The following WDR70 variants were observed in gnomAD, a reference collection of about 807,000 sequenced individuals.
WDR70 encodes the protein WD repeat domain 70.
Under a neutral mutation model 88.6 loss-of-function variants are expected in WDR70, and 53 were observed. That is an observed-to-expected ratio of 0.60 (90% CI 0.48 to 0.75). The LOEUF is 0.75. Ranked by LOEUF, WDR70 falls within the 30% of genes least tolerant of loss-of-function variation. The probability of loss-of-function intolerance (pLI) is 0.00; values close to 1 mark genes in which losing one functional copy is unlikely to be tolerated. For missense variants in WDR70, 610 were observed against 823.2 expected (o/e 0.74, Z 3.17); for synonymous variants, 280 against 270.0 (o/e 1.04, Z -0.36).
chr5:37,484,130 G>A (rs1396945566), intron 8 of WDR70, among the ~76,000 whole-genome samples: 6 of 152,172 alleles, frequency 3.9e-5, no homozygotes, highest in African/African-American at 1.2e-4. Context: ...AGGCAGAGAC[G>A]CTCCTTACTT....
At chr5:37,403,027 A>G (rs1005290075) in intron 5 of WDR70, among the ~76,000 whole-genome samples, 2 of 139,196 alleles carry the variant, frequency 1.4e-5, no homozygotes, top group African/African-American at 5.5e-5. Flanking sequence ...ACTCACTCCA[A>G]CATCTGCCTC....
At chr5:37,705,798 A>G (rs1747306190) in intron 13 of WDR70, among the ~76,000 whole-genome samples, 1 of 152,318 alleles carries the variant, frequency 6.6e-6, no homozygotes, top group African/African-American at 2.4e-5. Context: ...AAAAGGCAGC[A>G]TCTCAGATTC....
At position 37,512,832 on chromosome 5, in the gene WDR70, G is replaced by T. The variant is rs374709289; in HGVS notation, c.841-3682G>T. Among the ~76,000 whole-genome samples, 4 of 152,006 alleles carry T rather than the reference G, an allele frequency of 2.6e-5. No individual in the cohort carries two copies. In the South Asian group the frequency reaches 8.3e-4, roughly 32 times the overall value. On this transcript the variant is annotated intron_variant, in intron 8 of 17. Transcript: ENST00000265107. ...ACTCCTGAGCTCAAGCAATCCGCCT[G>T]TCTTGGCCTCCCAAAGAGCTGGGAT... is the stretch of plus-strand genomic sequence containing the variant.
intron 6 of WDR70, among the ~76,000 whole-genome samples, chr5:37,439,480 C>A (rs1191810254): frequency 1.3e-5 from 2 of 152,056 alleles, no homozygotes; most frequent in Admixed American, 1.3e-4. Context: ...AGAGATGGGT[C>A]ATGAGTTTCA....
chr5:37,447,011 G>A (rs1000488075), intron 7 of WDR70, among the ~76,000 whole-genome samples: 3 of 152,252 alleles, frequency 2.0e-5, no homozygotes, highest in African/African-American at 4.8e-5. Context: ...GCAACCTACA[G>A]AATGGGAGGA....
At chr5:37,593,377 C>T (rs1218154475) in intron 9 of WDR70, among the ~76,000 whole-genome samples, 1 of 152,044 alleles carries the variant, frequency 6.6e-6, no homozygotes, top group African/African-American at 2.4e-5. Context: ...TCAATTCCCA[C>T]CTATGAGTGA....
At chr5:37,521,978 A>G (rs1294468290) in intron 9 of WDR70, among the ~76,000 whole-genome samples, 16 of 152,164 alleles carry the variant, frequency 1.1e-4, no homozygotes, top group Admixed American at 9.8e-4. Flanking sequence ...ACATTCCCGC[A>G]AACAGTGTGA....
At chr5:37,513,369 A>C (rs1248224084) in intron 8 of WDR70, among the ~76,000 whole-genome samples, 1 of 152,180 alleles carries the variant, frequency 6.6e-6, no homozygotes, top group Non-Finnish European at 1.5e-5. Context: ...AGCGTAGGGA[A>C]AGCATATAAG....
At chr5:37,513,039 A>G (rs1015746491) in intron 8 of WDR70, among the ~76,000 whole-genome samples, 1 of 152,114 alleles carries the variant, frequency 6.6e-6, no homozygotes, top group African/African-American at 2.4e-5. Context: ...TTATTCTTTC[A>G]GTATATGTGT....
In WDR70 at chr5:37,722,921, C is replaced by A. The variant is rs1419658634; in HGVS notation, c.1584C>A (p.Asp528Glu). Residue 528 changes from aspartate to glutamate, a missense_variant, in exon 15 of 18, where the codon GAC becomes GAA. Around this residue, in one of 4 missense-constraint regions of WDR70, gnomAD observed 254 missense variants for 300.7 expected, o/e 0.84. Coordinates refer to ENST00000265107, the MANE Select transcript of WDR70 (RefSeq NM_018034.4). ...KAKQAETLTQ[D>E]YIITPHALPM... ...AACAAGCTGAGACTCTAACTCAGGA[C>A]TACATCATCACCCGTAAGTCGTTAA... The A allele has an allele frequency of 6.2e-7, 1 of 1,613,464 alleles. No homozygotes were observed. The highest frequency in any genetic ancestry group is 8.5e-7 in the Non-Finnish European group (1 of 1,179,634).
intron 7 of WDR70, among the ~76,000 whole-genome samples, chr5:37,468,048 A>C (rs1004552198): frequency 3.3e-5 from 5 of 151,726 alleles, no homozygotes; most frequent in Non-Finnish European, 7.4e-5. Context: ...ACGGGGTTTT[A>C]CCATGTTAAC....
At chr5:37,444,866 A>G (rs1738408506) in intron 7 of WDR70, among the ~76,000 whole-genome samples, 1 of 152,184 alleles carries the variant, frequency 6.6e-6, no homozygotes, top group African/African-American at 2.4e-5. Context: ...AGATTCTAAT[A>G]TGGATTGTGC....
At chr5:37,617,661 A>G (rs1259012297) in intron 10 of WDR70, among the ~76,000 whole-genome samples, 1 of 152,112 alleles carries the variant, frequency 6.6e-6, no homozygotes, top group Non-Finnish European at 1.5e-5. Context: ...TTACCTTTGG[A>G]TCTGTTGGTA....
intron 8 of WDR70, among the ~76,000 whole-genome samples, chr5:37,481,684 GC>G (rs1453688842): frequency 6.6e-6 from 1 of 152,140 alleles, no homozygotes; most frequent in African/African-American, 2.4e-5. Flanking sequence ...GGAGACATTT[GC>G]CCCATTGTCT....
At chr5:37,540,212 G>A (rs1741776488) in intron 9 of WDR70, among the ~76,000 whole-genome samples, 1 of 152,072 alleles carries the variant, frequency 6.6e-6, no homozygotes, top group African/African-American at 2.4e-5. Context: ...AAACACTCAG[G>A]ACCCAGAACA....
chr5:37,438,076 A>G (rs1246749905), intron 6 of WDR70, 95 bp downstream of exon 6: 2 of 1,014,776 alleles, frequency 2.0e-6, no homozygotes, highest in East Asian at 2.8e-5. Context: ...GGCTAATTAT[A>G]CAATCAACTG....
intron 3 of WDR70, chr5:37,381,945 C>T (rs1278005759): frequency 1.2e-5 from 4 of 331,010 alleles, no homozygotes; most frequent in South Asian, 2.7e-5. Context: ...CCCAGCTAGT[C>T]GTGAGGCTGA....
intron 10 of WDR70, among the ~76,000 whole-genome samples, chr5:37,651,017 G>A (rs560201284): frequency 5.0e-4 from 75 of 151,064 alleles, no homozygotes; most frequent in African/African-American, 1.8e-3. Flanking sequence ...GAATGTGCAG[G>A]TTTGTTACAT....
rs182331319 is a variant in WDR70, at chr5:37,413,451, C to T, written c.492+16881C>T. On this transcript the variant is annotated intron_variant, in intron 5 of 17. Coordinates refer to ENST00000265107, the MANE Select transcript of WDR70 (RefSeq NM_018034.4). ...GTAACAGAGATTCCTGACTGGGCACCGTGGCTCACACCTGTAATCCCAGCA... is the reference window on the plus strand; with the variant it reads ...GTAACAGAGATTCCTGACTGGGCACTGTGGCTCACACCTGTAATCCCAGCA... 9.2e-3 allele frequency among the ~76,000 whole-genome samples: 1,397 copies of T among 152,060 alleles called. 18 individuals are homozygous for T. Among genetic ancestry groups the T allele is most frequent in the African/African-American group, 0.024 (1,007 of 41,484 alleles).
Sources: gnomAD v4.1 joint callset for allele counts (sites outside exome capture counted in the v4.1 genomes callset) on GRCh38, gnomAD v4.1.1 for gene constraint, gnomAD v4.1.1 regional missense constraint, MANE v1.5 for transcripts, NCBI Gene and HGNC (gene_info 2026-07-23, HGNC 2026-07-21) for gene names.